Variants in RAPGEF1 observed in about 807,000 individuals in gnomAD.
RAPGEF1 encodes the protein Rap guanine nucleotide exchange factor 1.
A neutral mutation model predicts 143.3 loss-of-function variants in RAPGEF1; 33 were observed. The ratio of observed to expected loss-of-function variants is 0.23; its 90% CI spans 0.17 to 0.31. The LOEUF (loss-of-function observed/expected upper bound fraction) is 0.31. Among genes scored for constraint, RAPGEF1 ranks in the 10% least tolerant of loss-of-function variants. The pLI is 1.00. For missense variants in RAPGEF1, 1,199 were observed against 1,645.4 expected (o/e 0.73, Z 4.69); for synonymous variants, 629 against 676.5 (o/e 0.93, Z 1.09).
At chr9:131,598,644 T>TA in intron 15 of RAPGEF1, 2 of 460,446 alleles carry the variant, frequency 4.3e-6, no homozygotes, top group South Asian at 3.3e-5. Flanking sequence ...GAGGAGGAGC[T>TA]AAGGGGCAAG....
intron 1 of RAPGEF1, among the ~76,000 whole-genome samples, chr9:131,732,765 T>C (rs994219420): frequency 1.1e-4 from 17 of 152,370 alleles, no homozygotes; most frequent in East Asian, 1.9e-4. Context: ...ATTCATTCTA[T>C]GATAATATTA....
intron 1 of RAPGEF1, among the ~76,000 whole-genome samples, chr9:131,716,274 C>T (rs1835857433): frequency 6.6e-6 from 1 of 152,222 alleles, no homozygotes; most frequent in Non-Finnish European, 1.5e-5. Flanking sequence ...TCTGGCTTTT[C>T]AAGAAGCTTC....
chr9:131,725,631 T>C (rs1174440889), intron 1 of RAPGEF1, among the ~76,000 whole-genome samples: 4 of 152,126 alleles, frequency 2.6e-5, no homozygotes, highest in Non-Finnish European at 4.4e-5. Context: ...GCTCTGTTTG[T>C]AGTTTTGATT....
At chr9:131,609,126 G>A (rs1010522694) in intron 12 of RAPGEF1, among the ~76,000 whole-genome samples, 1 of 152,172 alleles carries the variant, frequency 6.6e-6, no homozygotes, top group Non-Finnish European at 1.5e-5. Flanking sequence ...GGAGAGGGGT[G>A]CCTGGCCCCC....
intron 1 of RAPGEF1, among the ~76,000 whole-genome samples, chr9:131,660,560 T>A (rs956891285): frequency 2.6e-5 from 4 of 152,292 alleles, no homozygotes; most frequent in Non-Finnish European, 5.9e-5. Context: ...GGCCCCCGAA[T>A]GAATAGATTC....
At chr9:131,689,286 T>C (rs1833603944) in intron 1 of RAPGEF1, among the ~76,000 whole-genome samples, 1 of 152,178 alleles carries the variant, frequency 6.6e-6, no homozygotes, top group Non-Finnish European at 1.5e-5. Flanking sequence ...TGAGAATCTG[T>C]CTTTGGGCAG....
At chr9:131,660,120 GAGTTATATTTTTCT>G (rs1292298701) in intron 1 of RAPGEF1, among the ~76,000 whole-genome samples, 2 of 152,156 alleles carry the variant, frequency 1.3e-5, no homozygotes, top group Non-Finnish European at 2.9e-5. Context: ...ACCCGGCCTG[GAGTTATATTTTTCT>G]AACAACTTTA....
At chr9:131,672,561 A>C (rs1288766581) in intron 1 of RAPGEF1, among the ~76,000 whole-genome samples, 2 of 152,220 alleles carry the variant, frequency 1.3e-5, no homozygotes, top group African/African-American at 4.8e-5. Flanking sequence ...CTGTTTCAGA[A>C]GACAAAGGTC....
At chr9:131,633,680 A>G (rs1344596598) in intron 5 of RAPGEF1, among the ~76,000 whole-genome samples, 2 of 152,150 alleles carry the variant, frequency 1.3e-5, no homozygotes, top group African/African-American at 2.4e-5. Context: ...CGCTCCCTAC[A>G]CTAGCTCGCG....
intron 1 of RAPGEF1, among the ~76,000 whole-genome samples, chr9:131,651,932 G>A (rs1179569502): frequency 6.6e-6 from 1 of 152,186 alleles, no homozygotes; most frequent in Admixed American, 6.5e-5. Flanking sequence ...AGTACTGCAG[G>A]CAACTGTAAT....
At chr9:131,637,192 T>A (rs1275133133) in intron 5 of RAPGEF1, among the ~76,000 whole-genome samples, 3 of 149,484 alleles carry the variant, frequency 2.0e-5, no homozygotes, top group African/African-American at 5.0e-5. Flanking sequence ...ACCACTGCAC[T>A]CCAGCCTGGG....
At position 131,632,631 on chromosome 9, in the gene RAPGEF1, G is replaced by C. The variant is rs79259141; in HGVS notation, c.652-2307C>G. ...TAAGTCATGATAGAACCAGACAATG[G>C]GCTGACCATTACGTTGTTATTAAAG... On this transcript the variant is annotated intron_variant, in intron 5 of 26. Transcript: ENST00000683357. 6.8e-4 allele frequency among the ~76,000 whole-genome samples: 104 copies of C among 152,168 alleles called. 1 individual carries two copies. The East Asian group carries it at 0.018, about 26-fold the overall frequency.
rs763030423 is a variant in RAPGEF1 at position 131,643,227 on chromosome 9, A to G, written c.494+12T>C. 3 of 1,604,700 alleles carry G rather than the reference A, an allele frequency of 1.9e-6. No individual in the cohort carries two copies. The Admixed American group carries it at 5.1e-5, about 27-fold the overall frequency. On this transcript the variant is annotated intron_variant, in intron 4 of 26. Coordinates refer to ENST00000683357, the MANE Select transcript of RAPGEF1 (RefSeq NM_001377935.1). The stretch of plus-strand genomic sequence containing the variant: ...TTGTTCTGACACAGCCAAAGACTTC[A>G]GAGCCACTCACCTGTGCTGAATTCG...
intron 1 of RAPGEF1, among the ~76,000 whole-genome samples, chr9:131,734,614 CTA>C (rs374395271): frequency 1.2e-3 from 182 of 152,246 alleles, no homozygotes; most frequent in African/African-American, 4.2e-3. Context: ...AAATTCCTAA[CTA>C]TGGAGGAAAA....
At chr9:131,645,380 G>C (rs1969292644) in intron 3 of RAPGEF1, among the ~76,000 whole-genome samples, 1 of 152,250 alleles carries the variant, frequency 6.6e-6, no homozygotes. Flanking sequence ...CACACAGGGA[G>C]AAAGTGGCTA....
At chr9:131,654,431 C>T (rs1971926178) in intron 1 of RAPGEF1, among the ~76,000 whole-genome samples, 1 of 152,126 alleles carries the variant, frequency 6.6e-6, no homozygotes, top group Non-Finnish European at 1.5e-5. Context: ...GCAAGTATGG[C>T]TGGGCGCAGT....
In RAPGEF1 at chr9:131,579,268, A is replaced by G. The variant is rs1951505429; in HGVS notation, c.*229T>C. ...ACCACCGGTTTGTAAATTGGCAACA[A>G]GACCTGCCTGCTGGCTGCCCTGAGG... On this transcript the variant is annotated 3_prime_UTR_variant, in exon 27 of 27. Transcript: ENST00000683357. The G allele has an allele frequency of 1.8e-6, 1 of 553,616 alleles. No homozygotes were observed. The highest frequency in any genetic ancestry group is 3.1e-5 in the East Asian group (1 of 32,192). The allele number at this position is 553,616 out of a possible 1,614,324, so 34.3% of individuals were successfully genotyped here. A position where few individuals can be genotyped will look rare whatever the true frequency, so the allele number is the denominator to read the frequency against.
At chr9:131,666,214 T>C (rs1234946253) in intron 1 of RAPGEF1, among the ~76,000 whole-genome samples, 4 of 152,158 alleles carry the variant, frequency 2.6e-5, no homozygotes, top group Non-Finnish European at 5.9e-5. Flanking sequence ...GGAACTTTCT[T>C]TGGTGGGACG....
chr9:131,688,107 C>T (rs947913196), intron 1 of RAPGEF1, among the ~76,000 whole-genome samples: 4 of 152,186 alleles, frequency 2.6e-5, no homozygotes, highest in Admixed American at 6.5e-5. Flanking sequence ...AAGGTTAGTT[C>T]GTGCACAGTT....
Sources: allele counts gnomAD v4.1 joint callset (sites outside exome capture counted in the v4.1 genomes callset), GRCh38; gene constraint gnomAD v4.1.1; transcripts MANE v1.5; gene names NCBI Gene and HGNC (gene_info 2026-07-23, HGNC 2026-07-21).